Variants in POLQ observed in about 807,000 individuals in gnomAD.
The protein encoded by POLQ is epididymis secretory sperm binding protein.
In POLQ, 233 loss-of-function variants were observed where a neutral mutation model predicts 259.2. That is an observed-to-expected ratio of 0.90 (90% CI 0.81 to 1.00). The LOEUF (loss-of-function observed/expected upper bound fraction) is 1.00. Among genes scored for constraint, POLQ ranks in the 50% least tolerant of loss-of-function variants. POLQ has a pLI of 0.00. For synonymous variants in POLQ, 1,025 were observed against 1,048.8 expected, an observed-to-expected ratio of 0.98 and a Z score of 0.44; for missense variants, 2,871 against 3,051.6, an observed-to-expected ratio of 0.94 and a Z score of 1.39.
At chr3:121,455,923 C>T (rs1220646139) in intron 25 of POLQ, among the ~76,000 whole-genome samples, 2 of 151,672 alleles carry the variant, frequency 1.3e-5, no homozygotes, top group African/African-American at 4.8e-5. Flanking sequence ...CTGGCAGAGA[C>T]AACCAAAAAA....
chr3:121,520,969 A>G (rs1168081375), intron 8 of POLQ, among the ~76,000 whole-genome samples: 4 of 152,228 alleles, frequency 2.6e-5, no homozygotes, highest in Non-Finnish European at 5.9e-5. Flanking sequence ...AATTTTATTT[A>G]AAAATTTAAA....
In POLQ at chr3:121,529,753, T is replaced by C; in HGVS notation, c.1000A>G (p.Ile334Val). 3 of 1,612,420 alleles carry C rather than the reference T, an allele frequency of 1.9e-6. No homozygotes were observed. Among genetic ancestry groups the C allele is most frequent in the Non-Finnish European group, 2.5e-6 (3 of 1,178,932 alleles). ...AGTAATACTGAATGGTTATCACAAA[T>C]CGTCTCATAACATAAACTAACAACA... ...DHVVSLCYETICDNHSVLLFC... is the reference protein window; with the variant it reads ...DHVVSLCYETVCDNHSVLLFC... The change falls in exon 7 of 30, where the codon ATT becomes GTT. Residue 334 changes from isoleucine to valine, a missense_variant. This residue lies in a region of POLQ where 783 missense variants were observed against 906.2 expected (regional missense o/e 0.86). Coordinates refer to ENST00000264233, the MANE Select transcript of POLQ (RefSeq NM_199420.4).
At chr3:121,520,600 C>T (rs2048330223) in intron 8 of POLQ, among the ~76,000 whole-genome samples, 1 of 152,112 alleles carries the variant, frequency 6.6e-6, no homozygotes, top group Non-Finnish European at 1.5e-5. Context: ...TTTTCTAGAC[C>T]AGGGGTCCAC....
intron 12 of POLQ, among the ~76,000 whole-genome samples, chr3:121,503,832 A>G (rs1436706863): frequency 6.6e-6 from 1 of 152,214 alleles, no homozygotes; most frequent in Non-Finnish European, 1.5e-5. Flanking sequence ...GAATAATGAC[A>G]AAATAAACTG....
At chr3:121,449,586 G>A (rs2047656827) in intron 25 of POLQ, among the ~76,000 whole-genome samples, 160 bp from the exon 26 acceptor site, 1 of 152,196 alleles carries the variant, frequency 6.6e-6, no homozygotes, top group African/African-American at 2.4e-5. Flanking sequence ...CTGATATCCA[G>A]CAAACATCTT....
In POLQ at chr3:121,490,224, G is replaced by A; in HGVS notation, c.2707C>T (p.Leu903=). The change falls in exon 16 of 30, where the codon CTG becomes TTG. Residue 903 remains leucine (L), a synonymous_variant. Coordinates refer to ENST00000264233, the MANE Select transcript of POLQ (RefSeq NM_199420.4). ...AATGAGCATGTACTAGAATGTAACA[G>A]GGCACATGGATTCCATTGCACTCCC... The part of the protein sequence containing the change: ...EMGVQWNPCA[L]LHSSTCSLTH... 1 of 1,614,118 alleles carries A rather than the reference G, an allele frequency of 6.2e-7. No individual in the cohort carries two copies. Among genetic ancestry groups the A allele is most frequent in the South Asian group, 1.1e-5 (1 of 91,068 alleles).
intron 9 of POLQ, among the ~76,000 whole-genome samples, chr3:121,515,167 T>G (rs1392933760): frequency 6.6e-6 from 1 of 152,152 alleles, no homozygotes; most frequent in Non-Finnish European, 1.5e-5. Flanking sequence ...GATGTGCATT[T>G]TTTTTATTTT....
intron 26 of POLQ, among the ~76,000 whole-genome samples, chr3:121,443,393 T>C (rs1238514304): frequency 6.6e-6 from 1 of 152,248 alleles, no homozygotes; most frequent in Non-Finnish European, 1.5e-5. Context: ...TCTTTGCCAT[T>C]TGTATGTCTT....
At chr3:121,460,309 T>C in intron 24 of POLQ, 75 bp from the exon 25 acceptor site, 1 of 1,114,028 alleles carries the variant, frequency 9.0e-7, no homozygotes, top group East Asian at 2.4e-5. Flanking sequence ...TATCATATAA[T>C]TGAGCAGGAT....
chr3:121,452,365 T>C (rs1045067202), intron 25 of POLQ, among the ~76,000 whole-genome samples: 2 of 152,168 alleles, frequency 1.3e-5, no homozygotes, highest in African/African-American at 2.4e-5. Context: ...CTGCATAGCT[T>C]ACGCTGGGAG....
chr3:121,479,362 ATG>A lies in POLQ; in HGVS notation c.6211+2208_6211+2209del, dbSNP rs71133538. On this transcript the variant is annotated intron_variant, in intron 19 of 29. Coordinates refer to ENST00000264233, the MANE Select transcript of POLQ (RefSeq NM_199420.4). ...CCCTCATCTCTACAAAAAAAAAAAA[ATG>A]TGTGTGTGTGTGTGTGTGTGTGTAT... 2.7e-4 allele frequency among the ~76,000 whole-genome samples: 39 copies of A among 142,676 alleles called. No individual in the cohort carries two copies. The East Asian group carries it at 3.3e-3, about 12-fold the overall frequency. 93.6% of individuals were successfully genotyped at this position (142,676 alleles called of 152,430 possible).
At chr3:121,442,050 G>C (rs966050649) in intron 26 of POLQ, among the ~76,000 whole-genome samples, 2 of 152,156 alleles carry the variant, frequency 1.3e-5, no homozygotes, top group African/African-American at 4.8e-5. Flanking sequence ...TCTGAGCATT[G>C]AATGGTAAAA....
chr3:121,541,264 C>T, intron 3 of POLQ, 85 bp downstream of exon 3: 1 of 1,226,534 alleles, frequency 8.2e-7, no homozygotes, highest in Non-Finnish European at 1.1e-6. Context: ...TTTCCACTTG[C>T]TTTTATAATT....
intron 25 of POLQ, among the ~76,000 whole-genome samples, chr3:121,453,609 C>A (rs2047700942): frequency 6.6e-6 from 1 of 152,066 alleles, no homozygotes; most frequent in Non-Finnish European, 1.5e-5. Context: ...GCCTCAGGAG[C>A]CGATGCGATC....
chr3:121,449,188 C>T (rs954255948), intron 26 of POLQ, 127 bp downstream of exon 26: 7 of 589,656 alleles, frequency 1.2e-5, no homozygotes, highest in Admixed American at 5.6e-5. Context: ...ATCTTATTTA[C>T]CCTTAACAAT....
At chr3:121,459,936 A>C (rs2047777182) in intron 25 of POLQ, 114 bp downstream of exon 25, 1 of 794,630 alleles carries the variant, frequency 1.3e-6, no homozygotes, top group Non-Finnish European at 2.1e-6. Context: ...TGTGCTTTGA[A>C]AGATCCAAAG....
chr3:121,436,084 T>C (rs2047541013), intron 28 of POLQ, 38 bp downstream of exon 28: 1 of 1,490,684 alleles, frequency 6.7e-7, no homozygotes, highest in Admixed American at 1.9e-5. Context: ...ACAATTATTC[T>C]CATCATGTTA....
chr3:121,521,987 T>G lies in POLQ; in HGVS notation c.1255+16A>C. Reference sequence around the variant, plus strand: ...AATTTTGGAGGTTTCTTAATAACATTATAAATATGAAATACCTGCATGATG... The same window carrying G: ...AATTTTGGAGGTTTCTTAATAACATGATAAATATGAAATACCTGCATGATG... On this transcript the variant is annotated intron_variant, in intron 8 of 29. Coordinates refer to ENST00000264233, the MANE Select transcript of POLQ (RefSeq NM_199420.4). 2 of 1,537,206 alleles carry G rather than the reference T, an allele frequency of 1.3e-6. No individual in the cohort carries two copies. The highest frequency in any genetic ancestry group is 1.7e-6 in the Non-Finnish European group (2 of 1,143,270).
In POLQ at chr3:121,476,803, C is replaced by T. The variant is rs534200550; in HGVS notation, c.6212-70G>A. 6.7e-6 allele frequency: 7 copies of T among 1,043,178 alleles called. No homozygotes were observed. The African/African-American group carries it at 8.0e-5, about 12-fold the overall frequency. 64.6% of individuals were successfully genotyped at this position (1,043,178 alleles called of 1,614,324 possible). A position where few individuals can be genotyped will look rare whatever the true frequency, so the allele number is the denominator to read the frequency against. ...GGCTAGATCAGCAGCCTTACCTAAACTATACAGAATTCATCTAGGAAAATC... is the reference window on the plus strand; with the variant it reads ...GGCTAGATCAGCAGCCTTACCTAAATTATACAGAATTCATCTAGGAAAATC... On this transcript the variant is annotated intron_variant, in intron 19 of 29. Coordinates refer to ENST00000264233, the MANE Select transcript of POLQ (RefSeq NM_199420.4).
Sources: allele counts gnomAD v4.1 joint callset (sites outside exome capture counted in the v4.1 genomes callset), GRCh38; gene constraint gnomAD v4.1.1; regional missense constraint gnomAD v4.1.1; transcripts MANE v1.5; gene names NCBI Gene and HGNC (gene_info 2026-07-23, HGNC 2026-07-21).